Variants in TGFBR2 observed in about 807,000 individuals in gnomAD.
TGFBR2 encodes the protein TGF-beta receptor type-2.
TGFBR2 carries 18 observed loss-of-function variants against 49.0 expected under a neutral mutation model. That is an observed-to-expected ratio of 0.37 (90% CI 0.25 to 0.54). The LOEUF (loss-of-function observed/expected upper bound fraction) is 0.54. Among genes scored for constraint, TGFBR2 ranks in the 20% least tolerant of loss-of-function variants. The pLI, the probability that TGFBR2 is intolerant of heterozygous loss-of-function variation, is 0.85. For missense variants in TGFBR2, 525 were observed against 722.6 expected, an observed-to-expected ratio of 0.73 and a Z score of 3.13; for synonymous variants, 282 against 275.9, an observed-to-expected ratio of 1.02 and a Z score of -0.22.
In TGFBR2 at chr3:30,691,731, T is replaced by A; in HGVS notation, c.*132T>A. Reference sequence around the variant, plus strand: ...GGGTCACTCCCCTCCCTGTAAGCTGTGGGGATAAGCAGAAACAACAGCAGC... The same window carrying A: ...GGGTCACTCCCCTCCCTGTAAGCTGAGGGGATAAGCAGAAACAACAGCAGC... On this transcript the variant is annotated 3_prime_UTR_variant, in exon 7 of 7. Coordinates refer to ENST00000295754, the MANE Select transcript of TGFBR2 (RefSeq NM_003242.6). The A allele has an allele frequency of 1.0e-6, 1 of 984,294 alleles. No homozygotes were observed. The highest frequency in any genetic ancestry group is 1.6e-6 in the Non-Finnish European group (1 of 628,824). The allele number at this position is 984,294 out of a possible 1,614,324, so 61.0% of individuals were successfully genotyped here. A position where few individuals can be genotyped will look rare whatever the true frequency, so the allele number is the denominator to read the frequency against.
At chr3:30,682,667 C>T (rs1253849905) in intron 5 of TGFBR2, among the ~76,000 whole-genome samples, 1 of 152,232 alleles carries the variant, frequency 6.6e-6, no homozygotes, top group African/African-American at 2.4e-5. Flanking sequence ...CCTCCACCAC[C>T]AGTCACATCT....
chr3:30,679,026 C>G (rs534640993), intron 5 of TGFBR2, among the ~76,000 whole-genome samples: 82 of 152,290 alleles, frequency 5.4e-4, no homozygotes, highest in African/African-American at 1.9e-3. Flanking sequence ...TATTAAGGCT[C>G]CAAGCTCACC....
intron 5 of TGFBR2, among the ~76,000 whole-genome samples, chr3:30,687,172 T>C (rs1192483294): frequency 6.6e-6 from 1 of 152,228 alleles, no homozygotes; most frequent in Non-Finnish European, 1.5e-5. Context: ...ATAAAGAATT[T>C]GACCTTAGTT....
chr3:30,661,036 G>T (rs1020341341), intron 3 of TGFBR2, among the ~76,000 whole-genome samples: 1 of 152,184 alleles, frequency 6.6e-6, no homozygotes, highest in African/African-American at 2.4e-5. Flanking sequence ...TTTCCAAAGC[G>T]ATCTGGTCTC....
intron 3 of TGFBR2, among the ~76,000 whole-genome samples, chr3:30,663,972 C>T (rs1699193062): frequency 7.9e-6 from 1 of 126,338 alleles, no homozygotes; most frequent in African/African-American, 3.1e-5. Flanking sequence ...AGAGGGCTAA[C>T]TTTTTTGGGG....
At chr3:30,635,941 C>G (rs1698520325) in intron 1 of TGFBR2, among the ~76,000 whole-genome samples, 1 of 152,160 alleles carries the variant, frequency 6.6e-6, no homozygotes, top group African/African-American at 2.4e-5. Context: ...GTCTCCATTT[C>G]TGACCTCATG....
At chr3:30,654,759 T>C (rs1872978) in intron 3 of TGFBR2, among the ~76,000 whole-genome samples, 137,084 of 152,246 alleles carry the variant, frequency 0.9, 61,821 homozygotes, top group East Asian at 0.99. Context: ...CAAATAGCCA[T>C]GCTGTTTACT....
chr3:30,686,404 A>G (rs1381965254), intron 5 of TGFBR2, among the ~76,000 whole-genome samples: 1 of 152,188 alleles, frequency 6.6e-6, no homozygotes, highest in East Asian at 1.9e-4. Flanking sequence ...ACACAGGAGG[A>G]TAGTTTGTGG....
At chr3:30,652,400 A>G (rs1297388587) in intron 3 of TGFBR2, among the ~76,000 whole-genome samples, 2 of 150,742 alleles carry the variant, frequency 1.3e-5, no homozygotes, top group Non-Finnish European at 1.5e-5. Context: ...ATACCCAGCT[A>G]ATCTTTGTAT....
chr3:30,660,385 C>T (rs1380323234), intron 3 of TGFBR2, among the ~76,000 whole-genome samples: 4 of 152,202 alleles, frequency 2.6e-5, no homozygotes, highest in Non-Finnish European at 4.4e-5. Flanking sequence ...CTTACTCCTG[C>T]AGTTTCTGAC....
At chr3:30,686,637 T>C (rs1428084356) in intron 5 of TGFBR2, among the ~76,000 whole-genome samples, 1 of 152,210 alleles carries the variant, frequency 6.6e-6, no homozygotes, top group Non-Finnish European at 1.5e-5. Context: ...ATTCGTTACC[T>C]AGAAGTGCAA....
Position 30,676,714 on chromosome 3 carries a change from C to T in TGFBR2, c.1396+2468C>T, listed in dbSNP as rs558223446. Among the ~76,000 whole-genome samples the T allele has an allele frequency of 2.6e-5, 4 of 152,238 alleles. No individual in the cohort carries two copies. The East Asian group carries it at 5.8e-4, about 22-fold the overall frequency. ...AGAATATGCATAGCCAATTCTCCAG[C>T]GTGGGTCCGGGTCACCCCCTCCCAT... On this transcript the variant is annotated intron_variant, in intron 5 of 6. Coordinates refer to ENST00000295754, the MANE Select transcript of TGFBR2 (RefSeq NM_003242.6). The surrounding 1 kb of genome is among the most constrained non-coding windows in gnomAD (Gnocchi z 4.3).
At chr3:30,618,151 G>A (rs539464629) in intron 1 of TGFBR2, among the ~76,000 whole-genome samples, 245 of 151,992 alleles carry the variant, frequency 1.6e-3, no homozygotes, top group Non-Finnish European at 1.3e-3. Context: ...CATCCTTCAT[G>A]AGTCTTTTGT....
At chr3:30,618,552 A>G (rs1055731007) in intron 1 of TGFBR2, among the ~76,000 whole-genome samples, 1 of 152,126 alleles carries the variant, frequency 6.6e-6, no homozygotes, top group Non-Finnish European at 1.5e-5. Flanking sequence ...ACCCATTTCT[A>G]TATCGAACTC....
intron 1 of TGFBR2, among the ~76,000 whole-genome samples, chr3:30,635,650 G>C (rs907520009): frequency 1.3e-5 from 2 of 152,102 alleles, no homozygotes; most frequent in African/African-American, 4.8e-5. Context: ...GAGTTTAAAG[G>C]TACAGCCAAG....
At chr3:30,685,269 GTTC>G (rs528140200) in intron 5 of TGFBR2, among the ~76,000 whole-genome samples, 293 of 152,332 alleles carry the variant, frequency 1.9e-3, no homozygotes, top group Middle Eastern at 6.8e-3. Context: ...GATTCAGAAT[GTTC>G]TTCCTGGTTT....
chr3:30,647,557 T>C (rs900580303), intron 2 of TGFBR2, among the ~76,000 whole-genome samples: 1 of 132,420 alleles, frequency 7.6e-6, no homozygotes, highest in Admixed American at 7.4e-5. Flanking sequence ...AGTTTTAGTG[T>C]TTTTTCATTC....
chr3:30,671,651 C>G lies in TGFBR2; in HGVS notation c.468C>G (p.Ser156Arg). The change falls in exon 4 of 7, where the codon AGC becomes AGG. Residue 156 changes from serine to arginine, a missense_variant. Physicochemically the swap from Ser to Arg is moderately radical, Grantham distance 110. This residue lies in a region of TGFBR2 where 376 missense variants were observed against 478.2 expected (regional missense o/e 0.79). Transcript: ENST00000295754. The part of the protein sequence containing the change: ...NIIFSEEYNT[S>R]NPDLLLVIFQ... ...TTTCCCCATCAGAATATAACACCAG[C>G]AATCCTGACTTGTTGCTAGTCATAT... 1.9e-6 allele frequency: 3 copies of G among 1,614,200 alleles called. No individual in the cohort carries two copies. The highest frequency in any genetic ancestry group is 2.5e-6 in the Non-Finnish European group (3 of 1,180,026).
chr3:30,678,965 A>G (rs1314487258), intron 5 of TGFBR2, among the ~76,000 whole-genome samples: 1 of 152,242 alleles, frequency 6.6e-6, no homozygotes, highest in African/African-American at 2.4e-5. Flanking sequence ...GATTTCACAG[A>G]AAACTGTGAA....
Sources: allele counts gnomAD v4.1 joint callset (sites outside exome capture counted in the v4.1 genomes callset), GRCh38; gene constraint gnomAD v4.1.1; regional missense constraint gnomAD v4.1.1; non-coding constraint Gnocchi (gnomAD v3.1); transcripts MANE v1.5; gene names NCBI Gene and HGNC (gene_info 2026-07-23, HGNC 2026-07-21).